PDE3A: variants seen among roughly 807,000 people sequenced by gnomAD.
PDE3A encodes the protein cGMP-inhibited 3',5'-cyclic phosphodiesterase 3A.
A neutral mutation model predicts 98.3 loss-of-function variants in PDE3A; 43 were observed. The observed-to-expected ratio is 0.44, with a 90% CI of 0.34 to 0.56. PDE3A has a LOEUF of 0.56. PDE3A is among the 20% of genes least tolerant of loss of function. The pLI is 0.01. For missense variants in PDE3A, 1,427 were observed against 1,440.7 expected, an observed-to-expected ratio of 0.99 and a Z score of 0.15; for synonymous variants, 663 against 567.9, an observed-to-expected ratio of 1.17 and a Z score of -2.38.
chr12:20,631,011 A>C (rs1209527700), intron 6 of PDE3A, among the ~76,000 whole-genome samples: 1 of 152,178 alleles, frequency 6.6e-6, no homozygotes, highest in South Asian at 2.1e-4. Flanking sequence ...TTTAAGAAAT[A>C]GCAACTTATA....
chr12:20,474,189 A>G (rs1945487570), intron 1 of PDE3A, among the ~76,000 whole-genome samples: 2 of 152,194 alleles, frequency 1.3e-5, no homozygotes, highest in Admixed American at 1.3e-4. Context: ...TTTTATGTCT[A>G]TGATGAATAA....
chr12:20,519,196 T>G (rs772606022), intron 1 of PDE3A, among the ~76,000 whole-genome samples: 3 of 152,196 alleles, frequency 2.0e-5, no homozygotes, highest in Non-Finnish European at 4.4e-5. Context: ...TACTTATATT[T>G]TGAAAGTCCC....
At chr12:20,650,044 ATATT>A (rs1261125389) in intron 13 of PDE3A, among the ~76,000 whole-genome samples, 1 of 152,230 alleles carries the variant, frequency 6.6e-6, no homozygotes, top group African/African-American at 2.4e-5. Flanking sequence ...GTAGGTATAT[ATATT>A]TATGGGTTAC....
chr12:20,488,402 A>G (rs1945769083), intron 1 of PDE3A, among the ~76,000 whole-genome samples: 2 of 152,214 alleles, frequency 1.3e-5, no homozygotes, highest in African/African-American at 4.8e-5. Context: ...TGCTAATTAC[A>G]GATCTTTGTT....
At chr12:20,645,594 T>A (rs527666754) in intron 10 of PDE3A, among the ~76,000 whole-genome samples, 1 of 152,204 alleles carries the variant, frequency 6.6e-6, no homozygotes, top group South Asian at 2.1e-4. Flanking sequence ...AGCATACTAA[T>A]CAGTGAAGTA....
At chr12:20,522,749 T>C (rs1379002825) in intron 1 of PDE3A, among the ~76,000 whole-genome samples, 1 of 152,102 alleles carries the variant, frequency 6.6e-6, no homozygotes, top group Non-Finnish European at 1.5e-5. Flanking sequence ...AGGTTGTTGA[T>C]GGTACCTACT....
intron 1 of PDE3A, among the ~76,000 whole-genome samples, chr12:20,395,094 G>A (rs1311421464): frequency 6.6e-6 from 1 of 152,060 alleles, no homozygotes; most frequent in African/African-American, 2.4e-5. Context: ...ATACAGCGCA[G>A]TGATTAAGAT....
At position 20,466,604 on chromosome 12, in the gene PDE3A, T is replaced by C. The variant is rs988119491; in HGVS notation, c.961-90056T>C. 9.2e-5 allele frequency among the ~76,000 whole-genome samples: 14 copies of C among 152,346 alleles called. No individual in the cohort carries two copies. The South Asian group carries it at 1.4e-3, about 16-fold the overall frequency. ...TAAAAGTTAAATTATGACTAGTGTA[T>C]TATTTTTAAGTGTCTCATATAAAAG... On this transcript the variant is annotated intron_variant, in intron 1 of 15. Coordinates refer to ENST00000359062, the MANE Select transcript of PDE3A (RefSeq NM_000921.5).
chr12:20,628,045 G>A (rs946472954), intron 5 of PDE3A, among the ~76,000 whole-genome samples: 3 of 152,014 alleles, frequency 2.0e-5, no homozygotes, highest in Non-Finnish European at 4.4e-5. Flanking sequence ...GAAATGGGAA[G>A]GGATTTCAAG....
chr12:20,401,655 T>G (rs1305243672), intron 1 of PDE3A, among the ~76,000 whole-genome samples: 2 of 152,170 alleles, frequency 1.3e-5, no homozygotes, highest in Non-Finnish European at 2.9e-5. Flanking sequence ...CTTCACGATG[T>G]GTTTTCTGAT....
chr12:20,627,145 TAA>T (rs66734223), intron 5 of PDE3A, among the ~76,000 whole-genome samples: 87 of 133,992 alleles, frequency 6.5e-4, no homozygotes, highest in South Asian at 2.5e-3. Flanking sequence ...ATTGTTCTGT[TAA>T]AAAAAAAAAA....
intron 1 of PDE3A, among the ~76,000 whole-genome samples, chr12:20,501,497 C>A (rs1222139227): frequency 1.3e-5 from 2 of 152,122 alleles, no homozygotes; most frequent in African/African-American, 2.4e-5. Flanking sequence ...ATTATTCTGA[C>A]AACCTTGTTT....
At chr12:20,512,714 A>C (rs1380967566) in intron 1 of PDE3A, among the ~76,000 whole-genome samples, 1 of 152,150 alleles carries the variant, frequency 6.6e-6, no homozygotes, top group East Asian at 1.9e-4. Flanking sequence ...TACCATTATC[A>C]GAGGCACCTG....
At chr12:20,464,740 C>T (rs1165602266) in intron 1 of PDE3A, among the ~76,000 whole-genome samples, 14 of 152,016 alleles carry the variant, frequency 9.2e-5, no homozygotes, top group African/African-American at 1.9e-4. Flanking sequence ...AAATTGCTGA[C>T]GTGGGATTGA....
intron 1 of PDE3A, among the ~76,000 whole-genome samples, chr12:20,431,173 C>T (rs1464032809): frequency 6.6e-6 from 1 of 151,938 alleles, no homozygotes; most frequent in East Asian, 1.9e-4. Context: ...ACGTCTGAAA[C>T]AGGTTGATTA....
intron 1 of PDE3A, among the ~76,000 whole-genome samples, chr12:20,521,523 T>G (rs554610437): frequency 1.3e-5 from 2 of 152,316 alleles, no homozygotes; most frequent in East Asian, 3.9e-4. Flanking sequence ...GATTTCCAAT[T>G]TGATACACAG....
intron 1 of PDE3A, among the ~76,000 whole-genome samples, chr12:20,422,101 C>T (rs1944523620): frequency 1.3e-5 from 2 of 152,170 alleles, no homozygotes; most frequent in South Asian, 4.1e-4. Context: ...AATCCTAGCA[C>T]TTTGGGAGGC....
chr12:20,583,894 G>T (rs544429150), intron 2 of PDE3A, among the ~76,000 whole-genome samples: 1 of 152,260 alleles, frequency 6.6e-6, no homozygotes, highest in African/African-American at 2.4e-5. Flanking sequence ...GAACAGGAAA[G>T]CTGTTCCATT....
At chr12:20,370,915 G>T (rs545812588) in intron 1 of PDE3A, among the ~76,000 whole-genome samples, 2 of 152,264 alleles carry the variant, frequency 1.3e-5, no homozygotes, top group African/African-American at 4.8e-5. Context: ...TCAACTTGGG[G>T]AATAATATGT....
Sources: allele counts gnomAD v4.1 joint callset (sites outside exome capture counted in the v4.1 genomes callset), GRCh38; gene constraint gnomAD v4.1.1; transcripts MANE v1.5; gene names NCBI Gene and HGNC (gene_info 2026-07-23, HGNC 2026-07-21).